AGMO: variants seen among roughly 807,000 people sequenced by gnomAD.
The protein encoded by AGMO is glyceryl-ether monooxygenase.
A neutral mutation model predicts 60.2 loss-of-function variants in AGMO; 75 were observed. That is an observed-to-expected ratio of 1.25 (90% CI 1.03 to 1.51). AGMO has a LOEUF of 1.51. AGMO is among the 40% of genes most tolerant of loss of function. AGMO has a pLI of 0.00. For synonymous variants in AGMO, 261 were observed against 177.1 expected (o/e 1.47, Z -3.76); for missense variants, 763 against 525.5 (o/e 1.45, Z -4.42).
intron 9 of AGMO, 96 bp downstream of exon 9, chr7:15,387,310 A>G (rs1196388558): frequency 1.5e-6 from 2 of 1,378,854 alleles, no homozygotes; most frequent in African/African-American, 2.9e-5. Context: ...ACATCTTTTT[A>G]CAGATTTGCA....
chr7:15,437,990 T>C (rs1223231841), intron 3 of AGMO, among the ~76,000 whole-genome samples: 1 of 152,170 alleles, frequency 6.6e-6, no homozygotes, highest in African/African-American at 2.4e-5. Context: ...TATTTTTTCT[T>C]TTTTATTCGT....
At chr7:15,253,949 ATTTTT>A (rs371184559) in intron 12 of AGMO, among the ~76,000 whole-genome samples, 2 of 149,148 alleles carry the variant, frequency 1.3e-5, no homozygotes, top group Non-Finnish European at 3.0e-5. Flanking sequence ...ATTGTGTAGT[ATTTTT>A]TTTTTCCTGT....
intron 12 of AGMO, among the ~76,000 whole-genome samples, chr7:15,220,956 T>C (rs1249095138): frequency 6.6e-6 from 1 of 152,038 alleles, no homozygotes; most frequent in African/African-American, 2.4e-5. Flanking sequence ...GTAAATCTTA[T>C]AAAATAATGA....
chr7:15,372,798 T>C (rs1333732107), intron 10 of AGMO, among the ~76,000 whole-genome samples: 2 of 152,226 alleles, frequency 1.3e-5, no homozygotes. Context: ...TGCTGGTTTA[T>C]CTTTCATATA....
At chr7:15,137,282 C>T in the AGMO span, among the ~76,000 whole-genome samples, 4 of 151,874 alleles carry the variant, frequency 2.6e-5, no homozygotes, top group Admixed American at 6.7e-5. Context: ...TCTACTGGAA[C>T]GATTACTTTT....
chr7:15,543,824 C>T (rs756834575), intron 3 of AGMO, among the ~76,000 whole-genome samples: 3 of 151,450 alleles, frequency 2.0e-5, no homozygotes, highest in Non-Finnish European at 4.4e-5. Context: ...CTGGCAATTC[C>T]AGTGGGATTG....
intron 3 of AGMO, among the ~76,000 whole-genome samples, chr7:15,503,906 C>G (rs554121851): frequency 6.7e-4 from 102 of 152,074 alleles, no homozygotes; most frequent in Middle Eastern, 3.4e-3. Context: ...ACATATTTTA[C>G]TCTGTAATAA....
the AGMO span, among the ~76,000 whole-genome samples, chr7:15,167,418 T>G: frequency 6.6e-6 from 1 of 152,168 alleles, no homozygotes; most frequent in Admixed American, 6.6e-5. Flanking sequence ...TAATAATAAG[T>G]AGGCACATCA....
chr7:15,361,534 T>A (rs1233619631), intron 12 of AGMO, among the ~76,000 whole-genome samples: 2 of 27,122 alleles, frequency 7.4e-5, no homozygotes, highest in African/African-American at 2.7e-4. Context: ...AGCGAGACTG[T>A]GTCTCAAAAA....
intron 3 of AGMO, among the ~76,000 whole-genome samples, chr7:15,443,745 C>G (rs753060483): frequency 3.3e-5 from 5 of 152,098 alleles, no homozygotes; most frequent in Non-Finnish European, 5.9e-5. Flanking sequence ...TTTACATTTT[C>G]AAATACCTGA....
chr7:15,174,891 T>A, the AGMO span, among the ~76,000 whole-genome samples: 1 of 152,026 alleles, frequency 6.6e-6, no homozygotes, highest in Admixed American at 6.6e-5. Flanking sequence ...GAGAGCCTGA[T>A]AGGCAAAACT....
downstream of AGMO, among the ~76,000 whole-genome samples, chr7:15,199,342 T>G (rs1226514556): frequency 6.6e-6 from 1 of 152,184 alleles, no homozygotes; most frequent in African/African-American, 2.4e-5. Flanking sequence ...AGAATTCAAT[T>G]TACTCAAAGA....
the AGMO span, among the ~76,000 whole-genome samples, chr7:15,195,227 C>T: frequency 6.6e-6 from 1 of 152,100 alleles, no homozygotes. Flanking sequence ...AGGTTCCTTG[C>T]CTCATGCCAG....
chr7:15,275,923 T>C (rs1417162392), intron 12 of AGMO, among the ~76,000 whole-genome samples: 1 of 152,144 alleles, frequency 6.6e-6, no homozygotes, highest in African/African-American at 2.4e-5. Context: ...TGTGGGTTTC[T>C]TTCGTCATTA....
intron 3 of AGMO, among the ~76,000 whole-genome samples, chr7:15,522,904 C>A (rs904086134): frequency 6.6e-6 from 1 of 152,178 alleles, no homozygotes; most frequent in Non-Finnish European, 1.5e-5. Flanking sequence ...TCGGCATGAA[C>A]AGACAACCTA....
intron 3 of AGMO, among the ~76,000 whole-genome samples, chr7:15,474,195 A>G (rs1298850484): frequency 6.6e-6 from 1 of 152,176 alleles, no homozygotes; most frequent in Non-Finnish European, 1.5e-5. Flanking sequence ...AATTAGAGAA[A>G]ACTACTTTAA....
At chr7:15,432,360 AT>A (rs1781274890) in intron 3 of AGMO, among the ~76,000 whole-genome samples, 1 of 108,104 alleles carries the variant, frequency 9.3e-6, no homozygotes, top group Non-Finnish European at 2.1e-5. Flanking sequence ...ACATATATAT[AT>A]ACACACACAT....
At chr7:15,440,113 A>G (rs1435562986) in intron 3 of AGMO, among the ~76,000 whole-genome samples, 1 of 152,184 alleles carries the variant, frequency 6.6e-6, no homozygotes, top group Non-Finnish European at 1.5e-5. Context: ...GGGCTTCCCA[A>G]GCTCAAGGAC....
At chr7:15,186,036 A>G in the AGMO span, among the ~76,000 whole-genome samples, 1 of 152,178 alleles carries the variant, frequency 6.6e-6, no homozygotes, top group Non-Finnish European at 1.5e-5. Flanking sequence ...ATCGACCCAC[A>G]AAGCTCATCT....
Sources: gnomAD v4.1 joint callset for allele counts (sites outside exome capture counted in the v4.1 genomes callset) on GRCh38, gnomAD v4.1.1 for gene constraint, MANE v1.5 for transcripts, NCBI Gene and HGNC (gene_info 2026-07-23, HGNC 2026-07-21) for gene names.